Variants in RIC1 observed in about 807,000 individuals in gnomAD.
The protein encoded by RIC1 is guanine nucleotide exchange factor subunit RIC1.
Under a neutral mutation model 169.0 loss-of-function variants are expected in RIC1, and 88 were observed. The ratio of observed to expected loss-of-function variants is 0.52; its 90% confidence interval spans 0.44 to 0.62. The LOEUF (loss-of-function observed/expected upper bound fraction) is 0.62. RIC1 is among the 20% of genes least tolerant of loss of function. RIC1 has a pLI of 0.00. For missense variants in RIC1, 1,877 were observed against 1,725.5 expected, an observed-to-expected ratio of 1.09 and a Z score of -1.56; for synonymous variants, 790 against 601.5, an observed-to-expected ratio of 1.31 and a Z score of -4.59.
chr9:5,719,492 A>T (rs566690468), intron 4 of RIC1: 1 of 152,380 alleles, frequency 6.6e-6, no homozygotes, highest in East Asian at 1.9e-4. Flanking sequence ...AGCACACAGT[A>T]TAGCACCTGT....
chr9:5,701,388 G>C (rs1451412725), intron 3 of RIC1, among the ~76,000 whole-genome samples: 4 of 152,084 alleles, frequency 2.6e-5, no homozygotes, highest in Non-Finnish European at 5.9e-5. Flanking sequence ...AAGGCGGGTG[G>C]ATCACTTGAG....
intron 6 of RIC1, among the ~76,000 whole-genome samples, chr9:5,722,696 T>G (rs988056992): frequency 6.6e-6 from 1 of 152,146 alleles, no homozygotes; most frequent in African/African-American, 2.4e-5. Context: ...CCTAATGCTA[T>G]CCCTCCCCCC....
At chr9:5,695,634 G>A (rs2760414) in intron 3 of RIC1, among the ~76,000 whole-genome samples, 33,070 of 148,792 alleles carry the variant, frequency 0.22, 4,108 homozygotes, top group African/African-American at 0.33. Flanking sequence ...GTGCAGTGGC[G>A]TGATCTTGGC....
Position 5,651,637 on chromosome 9 carries a change from C to T in RIC1, c.145-4946C>T, listed in dbSNP as rs564981716. 4.8e-5 allele frequency among the ~76,000 whole-genome samples: 7 copies of T among 147,000 alleles called. No homozygotes were observed. In the South Asian group the frequency reaches 1.1e-3, roughly 23 times the overall value. The stretch of plus-strand genomic sequence containing the variant: ...TGAGTGCAGTGGTGTGATCTCAGCT[C>T]ACTTCAACCTCCACCTCCTGGGTTC... On this transcript the variant is annotated intron_variant, in intron 1 of 25. Coordinates refer to ENST00000414202, the MANE Select transcript of RIC1 (RefSeq NM_020829.4).
At chr9:5,703,288 C>A (rs1261040450) in intron 3 of RIC1, among the ~76,000 whole-genome samples, 2 of 152,168 alleles carry the variant, frequency 1.3e-5, no homozygotes, top group Admixed American at 1.3e-4. Context: ...GACTATAAGC[C>A]CCGTGCAGAT....
At chr9:5,673,678 AGT>A (rs1172153692) in intron 2 of RIC1, among the ~76,000 whole-genome samples, 1 of 151,634 alleles carries the variant, frequency 6.6e-6, no homozygotes, top group East Asian at 1.9e-4. Context: ...AATAGTAGTA[AGT>A]GTATCTATGA....
intron 17 of RIC1, 60 bp downstream of exon 17, chr9:5,757,511 C>A: frequency 6.4e-7 from 1 of 1,552,722 alleles, no homozygotes; most frequent in East Asian, 2.3e-5. Flanking sequence ...TATTTGAGTC[C>A]ATATTAGGAA....
intron 17 of RIC1, among the ~76,000 whole-genome samples, chr9:5,762,260 T>C (rs1416361973): frequency 6.6e-6 from 1 of 152,246 alleles, no homozygotes; most frequent in African/African-American, 2.4e-5. Flanking sequence ...CTCATTTTTA[T>C]AAACTTCTAA....
Position 5,629,343 on chromosome 9 carries a change from C to G in RIC1, c.34C>G (p.Leu12Val). 1 of 1,532,670 alleles carries G rather than the reference C, an allele frequency of 6.5e-7. No individual in the cohort carries two copies. The allele number at this position is 1,532,670 out of a possible 1,614,324, so 94.9% of individuals were successfully genotyped here. The change falls in exon 1 of 26, where the codon CTG becomes GTG. Residue 12 changes from leucine to valine, a missense_variant. By Grantham distance (32) the Leu-to-Val change is conservative. Around this residue, in one of 3 missense-constraint regions of RIC1, gnomAD observed 1,104 missense variants for 992.0 expected, o/e 1.11. Transcript: ENST00000414202. ...YFLSGWPKRL[L>V]CPLGSPAEAP... ...TCTGAGCGGCTGGCCCAAGAGGCTG[C>G]TGTGCCCTCTGGGGAGCCCGGCCGA...
intron 1 of RIC1, among the ~76,000 whole-genome samples, chr9:5,636,091 A>T (rs926686705): frequency 6.6e-6 from 1 of 152,196 alleles, no homozygotes; most frequent in Non-Finnish European, 1.5e-5. Flanking sequence ...TTTATGTGAA[A>T]ATATCATTGA....
intron 2 of RIC1, among the ~76,000 whole-genome samples, chr9:5,681,976 G>A (rs1586937822): frequency 6.6e-6 from 1 of 152,134 alleles, no homozygotes; most frequent in Non-Finnish European, 1.5e-5. Context: ...GAGTAGGATT[G>A]CAACCCCTGC....
chr9:5,720,451 G>C, intron 5 of RIC1, 127 bp downstream of exon 5: 1 of 1,158,604 alleles, frequency 8.6e-7, no homozygotes. Context: ...GAGTATGAGA[G>C]GCGGGGTGAG....
In RIC1 at chr9:5,723,050, A is replaced by G. The variant is rs1044487323; in HGVS notation, c.720+2300A>G. ...GTGTGTCTTTATAGCAGCATGATTT[A>G]TAATCCTTTGGGTATATACCCAGTA... On this transcript the variant is annotated intron_variant, in intron 6 of 25. Coordinates refer to ENST00000414202, the MANE Select transcript of RIC1 (RefSeq NM_020829.4). Among the ~76,000 whole-genome samples the G allele has an allele frequency of 2.0e-5, 3 of 152,240 alleles. No homozygotes were observed. In the East Asian group the frequency reaches 5.8e-4, roughly 29 times the overall value.
intron 1 of RIC1, among the ~76,000 whole-genome samples, chr9:5,650,707 G>A (rs1402179536): frequency 6.6e-6 from 1 of 152,092 alleles, no homozygotes; most frequent in Non-Finnish European, 1.5e-5. Context: ...GCAACCCCAG[G>A]CTAGCAGGGT....
chr9:5,753,257 G>A lies in RIC1; in HGVS notation c.1491+19G>A, dbSNP rs1206903731. ...TATACGGGTGAGTTGTTATTTTGTTGGTGTTAACTTTTGTTGACTAGCATT... is the reference window on the plus strand; with the variant it reads ...TATACGGGTGAGTTGTTATTTTGTTAGTGTTAACTTTTGTTGACTAGCATT... On this transcript the variant is annotated intron_variant, in intron 13 of 25. Transcript: ENST00000414202. 3 of 1,611,948 alleles carry A rather than the reference G, an allele frequency of 1.9e-6. No individual in the cohort carries two copies. Among genetic ancestry groups the A allele is most frequent in the Admixed American group, 1.7e-5 (1 of 59,994 alleles).
intron 1 of RIC1, among the ~76,000 whole-genome samples, chr9:5,639,019 G>C (rs897782822): frequency 6.6e-6 from 1 of 152,068 alleles, no homozygotes; most frequent in African/African-American, 2.4e-5. Flanking sequence ...AAGTTCATGT[G>C]ATCCTCCCAC....
chr9:5,661,576 A>G (rs1043114506), intron 2 of RIC1, among the ~76,000 whole-genome samples: 1 of 152,006 alleles, frequency 6.6e-6, no homozygotes, highest in Non-Finnish European at 1.5e-5. Flanking sequence ...ATTGCTAGGT[A>G]TTTTATTCAT....
chr9:5,722,992 A>G (rs530383068), intron 6 of RIC1, among the ~76,000 whole-genome samples: 2 of 152,280 alleles, frequency 1.3e-5, no homozygotes, highest in East Asian at 3.9e-4. Context: ...AGTCTTTGCT[A>G]TTTGAATAGT....
chr9:5,647,623 C>T (rs1818582131), intron 1 of RIC1, among the ~76,000 whole-genome samples: 1 of 152,138 alleles, frequency 6.6e-6, no homozygotes, highest in Non-Finnish European at 1.5e-5. Context: ...TGAATTCATT[C>T]ATTCTAACAG....
Sources: allele counts gnomAD v4.1 joint callset (sites outside exome capture counted in the v4.1 genomes callset), GRCh38; gene constraint gnomAD v4.1.1; regional missense constraint gnomAD v4.1.1; transcripts MANE v1.5; gene names NCBI Gene and HGNC (gene_info 2026-07-23, HGNC 2026-07-21).